The following KDM2A variants were observed in gnomAD, a reference collection of about 807,000 sequenced individuals.
KDM2A encodes the protein lysine demethylase 2A.
A neutral mutation model predicts 137.3 loss-of-function variants in KDM2A; 3 were observed. The ratio of observed to expected loss-of-function variants is 0.02; its 90% confidence interval spans 0.01 to 0.06. The LOEUF is 0.06. KDM2A is among the 10% of genes least tolerant of loss of function. KDM2A has a pLI of 1.00. For synonymous variants in KDM2A, 512 were observed against 541.5 expected (o/e 0.95, Z 0.76); for missense variants, 738 against 1,510.6 (o/e 0.49, Z 8.48).
chr11:67,248,714 A>G (rs1427198992), intron 16 of KDM2A: 1 of 215,868 alleles, frequency 4.6e-6, no homozygotes, highest in African/African-American at 2.3e-5. Flanking sequence ...TAACTAGAGG[A>G]GAGGCAGTGG....
At chr11:67,252,429 C>G (rs1342685051) in intron 17 of KDM2A, 1 of 462,664 alleles carries the variant, frequency 2.2e-6, no homozygotes, top group Admixed American at 3.4e-5. Context: ...CTGTTGTGTT[C>G]TCAAACACTC....
chr11:67,213,494 C>A (rs1858057737), intron 6 of KDM2A, among the ~76,000 whole-genome samples: 1 of 151,982 alleles, frequency 6.6e-6, no homozygotes, highest in Admixed American at 6.5e-5. Context: ...CATGGTAGCT[C>A]ATGCTGTAAT....
chr11:67,172,497 T>C (rs1283794731), intron 2 of KDM2A, among the ~76,000 whole-genome samples: 5 of 152,172 alleles, frequency 3.3e-5, no homozygotes, highest in Non-Finnish European at 5.9e-5. Flanking sequence ...GTACTTATCT[T>C]GTTAAATTTA....
chr11:67,239,810 C>A (rs903107491), intron 12 of KDM2A, among the ~76,000 whole-genome samples: 2 of 152,260 alleles, frequency 1.3e-5, no homozygotes, highest in Non-Finnish European at 2.9e-5. Flanking sequence ...CTGGCGCCTT[C>A]AGAAGTCTGC....
intron 2 of KDM2A, among the ~76,000 whole-genome samples, chr11:67,127,229 C>T (rs752653642): frequency 1.3e-5 from 2 of 152,172 alleles, no homozygotes; most frequent in Non-Finnish European, 2.9e-5. Context: ...GTAGCTGGGA[C>T]TACAGGCATG....
At chr11:67,179,523 G>A (rs565532508) in intron 2 of KDM2A, among the ~76,000 whole-genome samples, 9 of 152,106 alleles carry the variant, frequency 5.9e-5, no homozygotes, top group Non-Finnish European at 1.0e-4. Context: ...CAGGTGATCC[G>A]CCTGCCTCTG....
intron 10 of KDM2A, among the ~76,000 whole-genome samples, chr11:67,226,366 G>C (rs2136416743): frequency 6.6e-6 from 1 of 152,294 alleles, no homozygotes; most frequent in African/African-American, 2.4e-5. Context: ...CCATCCTGCT[G>C]TTAGTTTTGT....
At chr11:67,196,856 T>G (rs1857495327) in intron 5 of KDM2A, 1 of 160,834 alleles carries the variant, frequency 6.2e-6, no homozygotes, top group South Asian at 1.6e-4. Context: ...ATGGTTAAGA[T>G]AGAACATTTT....
rs546351670 is a variant in KDM2A at position 67,152,034 on chromosome 11, G to A, written c.43-28045G>A. ...AATATATTATTAAAATTAATTTCCC[G>A]CCGGGTGCAGTGGCTCACACCTGTT... On this transcript the variant is annotated intron_variant, in intron 2 of 20. Coordinates refer to ENST00000529006, the MANE Select transcript of KDM2A (RefSeq NM_012308.3). 5.3e-5 allele frequency among the ~76,000 whole-genome samples: 8 copies of A among 152,210 alleles called. No homozygotes were observed. The South Asian group carries it at 1.0e-3, about 20-fold the overall frequency.
At position 67,252,603 on chromosome 11, in the gene KDM2A, A is replaced by G. The variant is rs1385354760; in HGVS notation, c.2769-91A>G. 4 of 1,371,718 alleles carry G rather than the reference A, an allele frequency of 2.9e-6. No homozygotes were observed. In the South Asian group the frequency reaches 3.7e-5, roughly 13 times the overall value. 85.0% of individuals were successfully genotyped at this position (1,371,718 alleles called of 1,614,324 possible). On this transcript the variant is annotated intron_variant, in intron 17 of 20. Transcript: ENST00000529006. Reference sequence around the variant, plus strand: ...CTTGTAGAAGAACGAGCCTCCAGGTACTCTGCTTTTCCCAGAAGCCATAAG... The same window carrying G: ...CTTGTAGAAGAACGAGCCTCCAGGTGCTCTGCTTTTCCCAGAAGCCATAAG...
intron 5 of KDM2A, among the ~76,000 whole-genome samples, chr11:67,202,771 G>A (rs1320583331): frequency 4.7e-5 from 7 of 150,526 alleles, no homozygotes; most frequent in Non-Finnish European, 8.9e-5. Context: ...GCGAGACTTC[G>A]TCTCAAAAAA....
Position 67,254,205 on chromosome 11 carries a change from C to A in KDM2A, c.3094C>A (p.Gln1032Lys). 1 of 1,613,442 alleles carries A rather than the reference C, an allele frequency of 6.2e-7. No individual in the cohort carries two copies. Among genetic ancestry groups the A allele is most frequent in the South Asian group, 1.1e-5 (1 of 90,990 alleles). The change falls in exon 20 of 21, where the codon CAG becomes AAG. Residue 1032 changes from glutamine to lysine, a missense_variant and splice_region_variant. Physicochemically the swap from Gln to Lys is moderately conservative, Grantham distance 53. Coordinates refer to ENST00000529006, the MANE Select transcript of KDM2A (RefSeq NM_012308.3). The surrounding 1 kb of genome is among the most constrained non-coding windows in gnomAD (Gnocchi z 4.7). ...LLTPPADKPG[Q>K]DNRSKLRNMT... ...AGGCTCTTCTCTTGCCTGTACAGGTCAGGACAATCGCAGCAAGCTCCGGAA... is the reference window on the plus strand; with the variant it reads ...AGGCTCTTCTCTTGCCTGTACAGGTAAGGACAATCGCAGCAAGCTCCGGAA...
chr11:67,155,869 G>A (rs1856500836), intron 2 of KDM2A, among the ~76,000 whole-genome samples: 1 of 145,218 alleles, frequency 6.9e-6, no homozygotes, highest in Non-Finnish European at 1.5e-5. Context: ...GCCTGCCTCG[G>A]CCTCCCAAAG....
intron 6 of KDM2A, among the ~76,000 whole-genome samples, chr11:67,213,691 G>A (rs905088188): frequency 1.3e-5 from 2 of 151,002 alleles, no homozygotes; most frequent in East Asian, 1.9e-4. Context: ...CCTGGGAGGC[G>A]GAGGTTGCAG....
At position 67,126,805 on chromosome 11, in the gene KDM2A, G is replaced by A. The variant is rs1276575901; in HGVS notation, c.42+5447G>A. Among the ~76,000 whole-genome samples, 3 of 152,070 alleles carry A rather than the reference G, an allele frequency of 2.0e-5. No individual in the cohort carries two copies. In the East Asian group the frequency reaches 5.8e-4, roughly 29 times the overall value. On this transcript the variant is annotated intron_variant, in intron 2 of 20. Coordinates refer to ENST00000529006, the MANE Select transcript of KDM2A (RefSeq NM_012308.3). ...CCTTTGAAGATGGTGTGTATGTGTA[G>A]ATTTGGAATATAAGCTACACTTTCT...
At chr11:67,174,822 C>T (rs767807527) in intron 2 of KDM2A, among the ~76,000 whole-genome samples, 24 of 152,138 alleles carry the variant, frequency 1.6e-4, no homozygotes, top group Non-Finnish European at 3.2e-4. Context: ...ATACAATTCC[C>T]TGTTAACCCT....
At chr11:67,184,706 A>G (rs896183374) in intron 5 of KDM2A, among the ~76,000 whole-genome samples, 2 of 152,220 alleles carry the variant, frequency 1.3e-5, no homozygotes, top group Admixed American at 1.3e-4. Flanking sequence ...AGAGCCAGAC[A>G]TTAAAGACTA....
At chr11:67,234,359 G>T (rs1858806911) in intron 12 of KDM2A, among the ~76,000 whole-genome samples, 1 of 152,184 alleles carries the variant, frequency 6.6e-6, no homozygotes, top group African/African-American at 2.4e-5. Flanking sequence ...GCAGAGAAAG[G>T]AATTGTTTGC....
At chr11:67,156,493 G>A (rs779192965) in intron 2 of KDM2A, among the ~76,000 whole-genome samples, 5 of 151,434 alleles carry the variant, frequency 3.3e-5, no homozygotes, top group African/African-American at 4.8e-5. Flanking sequence ...CGAGGTGGGC[G>A]GATCACGAGG....
Sources: gnomAD v4.1 joint callset for allele counts (sites outside exome capture counted in the v4.1 genomes callset) on GRCh38, gnomAD v4.1.1 for gene constraint, Gnocchi (gnomAD v3.1) non-coding constraint, MANE v1.5 for transcripts, NCBI Gene and HGNC (gene_info 2026-07-23, HGNC 2026-07-21) for gene names.